The following SYMPK variants were observed in gnomAD, a reference collection of about 807,000 sequenced individuals.
SYMPK encodes symplekin scaffold protein.
Under a neutral mutation model 136.4 loss-of-function variants are expected in SYMPK, and 49 were observed. The observed-to-expected ratio is 0.36, with a 90% confidence interval of 0.29 to 0.46. SYMPK has a LOEUF of 0.46. Ranked by LOEUF, SYMPK falls within the 20% of genes least tolerant of loss-of-function variation. The pLI is 1.00. For synonymous variants in SYMPK, 766 were observed against 713.0 expected, an observed-to-expected ratio of 1.07 and a Z score of -1.19; for missense variants, 1,365 against 1,690.0, an observed-to-expected ratio of 0.81 and a Z score of 3.37.
intron 8 of SYMPK, 116 bp from the exon 9 acceptor site, chr19:45,842,605 C>T: frequency 6.9e-7 from 1 of 1,444,960 alleles, no homozygotes; most frequent in Non-Finnish European, 9.3e-7. Context: ...TAGAAAAGTT[C>T]CTTCACCCTC....
At chr19:45,816,768 G>T (rs766308036) in intron 24 of SYMPK, 30 bp downstream of exon 24, 4 of 1,503,688 alleles carry the variant, frequency 2.7e-6, no homozygotes, top group South Asian at 2.5e-5. Context: ...TGGGTGGGGG[G>T]AAAGGGTACC....
intron 1 of SYMPK, among the ~76,000 whole-genome samples, chr19:45,858,087 C>T (rs1971877196): frequency 6.6e-6 from 1 of 152,184 alleles, no homozygotes; most frequent in Admixed American, 6.5e-5. Context: ...GTGTGAGCCA[C>T]AGCGCCCAGC....
chr19:45,830,236 G>A, intron 12 of SYMPK, 32 bp from the exon 13 acceptor site: 1 of 1,594,392 alleles, frequency 6.3e-7, no homozygotes, highest in Non-Finnish European at 8.6e-7. Context: ...GAGATGCAGT[G>A]ACCCAGACTG....
intron 10 of SYMPK, among the ~76,000 whole-genome samples, chr19:45,837,111 C>A (rs1376674705): frequency 6.6e-6 from 1 of 151,840 alleles, no homozygotes; most frequent in Non-Finnish European, 1.5e-5. Flanking sequence ...AGAAAAAGTG[C>A]CAAAAGAATA....
At chr19:45,858,723 C>G (rs183569821) in intron 1 of SYMPK, among the ~76,000 whole-genome samples, 2 of 152,178 alleles carry the variant, frequency 1.3e-5, no homozygotes, top group African/African-American at 4.8e-5. Context: ...CCATGTTGGT[C>G]AGGCTGATCT....
intron 1 of SYMPK, among the ~76,000 whole-genome samples, chr19:45,860,463 T>TA (rs201550219): frequency 2.2e-3 from 264 of 121,552 alleles, no homozygotes; most frequent in African/African-American, 5.9e-3. Flanking sequence ...CGTTTCAAAT[T>TA]AAAAAAAAAA....
intron 1 of SYMPK, among the ~76,000 whole-genome samples, chr19:45,858,115 T>C (rs1937653819): frequency 6.6e-6 from 1 of 152,016 alleles, no homozygotes; most frequent in African/African-American, 2.4e-5. Flanking sequence ...GACACGTTTT[T>C]TAAAAGGAAC....
Position 45,815,988 on chromosome 19 carries a change from G to C in SYMPK, c.3550C>G (p.Pro1184Ala), listed in dbSNP as rs148068166. The C allele has an allele frequency of 2.5e-6, 4 of 1,607,914 alleles. No individual in the cohort carries two copies. Among genetic ancestry groups the C allele is most frequent in the Non-Finnish European group, 3.4e-6 (4 of 1,177,938 alleles). The change falls in exon 26 of 27, where the codon CCG becomes GCG. Residue 1184 changes from proline (P) to alanine (A), a missense_variant. By Grantham distance (27) the Pro-to-Ala change is conservative (BLOSUM62 -1). Around this residue, in one of 11 missense-constraint regions of SYMPK, gnomAD observed 341 missense variants for 270.5 expected, o/e 1.26. Transcript: ENST00000245934. ...CGGAAATCCATGGCTTCCTCAGACGGGGGCGGGCCTGGCCGGGCCGACGGA... is the reference window on the plus strand; with the variant it reads ...CGGAAATCCATGGCTTCCTCAGACGCGGGCGGGCCTGGCCGGGCCGACGGA... ...PSPSARPGPP[P>A]SEEAMDFREE...
chr19:45,828,822 G>C (rs868199486), intron 14 of SYMPK, 148 bp downstream of exon 14: 4 of 728,772 alleles, frequency 5.5e-6, no homozygotes, highest in East Asian at 2.7e-5. Context: ...GCCTCCAGAG[G>C]GGGAGGAGGA....
rs776616722 is a variant in SYMPK at position 45,815,949 on chromosome 19, C to G, written c.3589G>C (p.Glu1197Gln). The change falls in exon 26 of 27, where the codon GAG becomes CAG. Residue 1197 changes from glutamate (E) to glutamine (Q), a missense_variant. Glu to Gln is a conservative substitution (Grantham distance 29). Transcript: ENST00000245934. Reference protein sequence around the residue: ...EAMDFREEGPECETPGIFISM... With the variant: ...EAMDFREEGPQCETPGIFISM... ...ATGAAGATGCCCGGGGTCTCGCACT[C>G]AGGCCCCTCCTCCCGGAAATCCATG... 6 of 1,611,260 alleles carry G rather than the reference C, an allele frequency of 3.7e-6. No individual in the cohort carries two copies. The highest frequency in any genetic ancestry group is 5.1e-6 in the Non-Finnish European group (6 of 1,179,472).
At chr19:45,829,249 C>T in intron 13 of SYMPK, 44 bp from the exon 14 acceptor site, 1 of 1,545,570 alleles carries the variant, frequency 6.5e-7, no homozygotes, top group South Asian at 1.1e-5. Flanking sequence ...GGTGGGCAAT[C>T]CAGGGACTCC....
Position 45,821,283 on chromosome 19 carries a change from G to GT in SYMPK, c.2893+100dup. On this transcript the variant is annotated intron_variant, in intron 22 of 26. Transcript: ENST00000245934. The surrounding 1 kb of genome is among the most constrained non-coding windows in gnomAD (Gnocchi z 4.4). The stretch of plus-strand genomic sequence containing the variant: ...CTCTGAGGTGGGGCTGTGAGTGACA[G>GT]TCTTTGACTTGGCAGATTCCAGTGG... The GT allele has an allele frequency of 1.1e-6, 1 of 902,532 alleles. No individual in the cohort carries two copies. Among genetic ancestry groups the GT allele is most frequent in the Non-Finnish European group, 1.8e-6 (1 of 545,018 alleles). The allele number at this position is 902,532 out of a possible 1,614,324, so 55.9% of individuals were successfully genotyped here.
intron 11 of SYMPK, among the ~76,000 whole-genome samples, chr19:45,834,662 AT>A (rs1326037603): frequency 6.6e-6 from 1 of 152,176 alleles, no homozygotes; most frequent in Non-Finnish European, 1.5e-5. Context: ...GATAAGGGAT[AT>A]TTAACCTGTA....
chr19:45,855,890 G>C (rs999513596), intron 1 of SYMPK: 2 of 152,070 alleles, frequency 1.3e-5, no homozygotes, highest in Non-Finnish European at 2.9e-5. Context: ...AGCTACTCAG[G>C]GAGGTGAAGG....
At chr19:45,840,312 CAAAAAAAAAAAA>C (rs546768442) in intron 9 of SYMPK, among the ~76,000 whole-genome samples, 2 of 57,146 alleles carry the variant, frequency 3.5e-5, no homozygotes, top group South Asian at 5.5e-4. Flanking sequence ...GAGACTGTCT[CAAAAAAAAAAAA>C]AAAAAAAAAA....
chr19:45,827,423 T>A (rs1206386666), intron 16 of SYMPK, 87 bp downstream of exon 16: 2 of 867,368 alleles, frequency 2.3e-6, no homozygotes, highest in Non-Finnish European at 3.9e-6. Context: ...CAAGGGAGTG[T>A]GGAAGACGTG....
chr19:45,823,963 G>A, intron 18 of SYMPK, 88 bp from the exon 19 acceptor site: 1 of 982,804 alleles, frequency 1.0e-6, no homozygotes, highest in Non-Finnish European at 1.6e-6. Flanking sequence ...TGCGGGGCAT[G>A]CTGGCGCCCA....
rs762128952 is a variant in SYMPK at position 45,854,420 on chromosome 19, C to A, written c.76G>T (p.Gly26Cys). Reference protein sequence around the residue: ...SQFFTQEEGPGIDGMTTSERV... With the variant: ...SQFFTQEEGPCIDGMTTSERV... ...TCTGAGGTGGTCATGCCATCGATGC[C>A]CGGCCCCTCCTCTTGAGTGAAAAAC... Residue 26 changes from glycine (G) to cysteine (C), a missense_variant, in exon 2 of 27, where the codon GGC becomes TGC. By Grantham distance (159) the Gly-to-Cys change is radical. Around this residue, in one of 11 missense-constraint regions of SYMPK, gnomAD observed 61 missense variants for 80.7 expected, o/e 0.76. Coordinates refer to ENST00000245934, the MANE Select transcript of SYMPK (RefSeq NM_004819.3). 3.7e-6 allele frequency: 6 copies of A among 1,614,164 alleles called. No individual in the cohort carries two copies. The highest frequency in any genetic ancestry group is 5.1e-6 in the Non-Finnish European group (6 of 1,180,036).
In SYMPK at chr19:45,816,011, GGA is replaced by G; in HGVS notation, c.3525_3526del (p.Pro1176ValfsTer10). 1 of 1,596,718 alleles carries G rather than the reference GGA, an allele frequency of 6.3e-7. No homozygotes were observed. Among genetic ancestry groups the G allele is most frequent in the Non-Finnish European group, 8.5e-7 (1 of 1,171,998 alleles). On this transcript the variant is annotated frameshift_variant, in exon 26 of 27. Transcript: ENST00000245934. LOFTEE classifies it high-confidence loss of function. ...CGGGGGCGGGCCTGGCCGGGCCGAC[GGA>G]GAGGGAGAGGGGGAGGAAGAGGAGG...
Sources: gnomAD v4.1 joint callset for allele counts (sites outside exome capture counted in the v4.1 genomes callset) on GRCh38, gnomAD v4.1.1 for gene constraint, gnomAD v4.1.1 regional missense constraint, Gnocchi (gnomAD v3.1) non-coding constraint, MANE v1.5 for transcripts, NCBI Gene and HGNC (gene_info 2026-07-23, HGNC 2026-07-21) for gene names.